The following HEATR3 variants were observed in gnomAD, a reference collection of about 807,000 sequenced individuals.
The protein encoded by HEATR3 is HEAT repeat-containing protein 3.
HEATR3 carries 56 observed loss-of-function variants against 72.8 expected under a neutral mutation model. The ratio of observed to expected loss-of-function variants is 0.77; its 90% CI spans 0.62 to 0.96. The LOEUF (loss-of-function observed/expected upper bound fraction) is 0.96, where lower values mean the gene tolerates loss of function less well. Ranked by LOEUF, HEATR3 falls within the 40% of genes least tolerant of loss-of-function variation. The probability of loss-of-function intolerance (pLI) is 0.00; values close to 1 mark genes in which losing one functional copy is unlikely to be tolerated. For synonymous variants in HEATR3, 331 were observed against 318.1 expected (o/e 1.04, Z -0.43); for missense variants, 747 against 831.4 (o/e 0.90, Z 1.25).
intron 13 of HEATR3, among the ~76,000 whole-genome samples, chr16:50,101,413 G>A (rs1294314655): frequency 6.6e-6 from 1 of 151,292 alleles, no homozygotes; most frequent in Non-Finnish European, 1.5e-5. Flanking sequence ...ACTGCACCCG[G>A]CAACAGTTAT....
At chr16:50,070,140 T>G (rs1280124842) in intron 3 of HEATR3, 38 bp from the exon 4 acceptor site, 10 of 1,040,892 alleles carry the variant, frequency 9.6e-6, no homozygotes, top group African/African-American at 3.2e-5. Context: ...TTAATTCTTC[T>G]TAGGAACCAG....
rs2037346488 is a variant in HEATR3, at chr16:50,100,706, T to A, written c.1743+333T>A. On this transcript the variant is annotated intron_variant, in intron 13 of 14. Transcript: ENST00000299192. ...GCTGTTGCATCCAATGTATGCATGT[T>A]ACATTCTCCTGCTGATGAATGAACA... 1.0e-5 allele frequency: 3 copies of A among 288,242 alleles called. No homozygotes were observed. In the Admixed American group the frequency reaches 1.7e-4, roughly 16 times the overall value. The allele number at this position is 288,242 out of a possible 1,614,324, so 17.9% of individuals were successfully genotyped here.
intron 6 of HEATR3, 103 bp from the exon 7 acceptor site, chr16:50,078,638 T>C: frequency 5.1e-6 from 6 of 1,177,430 alleles, no homozygotes; most frequent in Non-Finnish European, 4.7e-6. Context: ...GGCTGAGATT[T>C]TTTGAAATTA....
At position 50,105,155 on chromosome 16, in the gene HEATR3, T is replaced by C; in HGVS notation, c.*94T>C. ...TGAATGTATATGTTTCTGAAAGTCA[T>C]TTTTTAATGATTACATTCTGTACAT... On this transcript the variant is annotated 3_prime_UTR_variant, in exon 15 of 15. Transcript: ENST00000299192. 1 of 1,327,958 alleles carries C rather than the reference T, an allele frequency of 7.5e-7. No individual in the cohort carries two copies. Among genetic ancestry groups the C allele is most frequent in the East Asian group, 2.3e-5 (1 of 42,672 alleles). 82.3% of individuals were successfully genotyped at this position (1,327,958 alleles called of 1,614,324 possible). A position where few individuals can be genotyped will look rare whatever the true frequency, so the allele number is the denominator to read the frequency against.
intron 9 of HEATR3, 85 bp from the exon 10 acceptor site, chr16:50,084,484 A>T: frequency 1.7e-6 from 2 of 1,156,190 alleles, no homozygotes; most frequent in Non-Finnish European, 2.6e-6. Flanking sequence ...CATTTCACTT[A>T]GGAGTAATAT....
At chr16:50,100,889 C>G in intron 13 of HEATR3, 1 of 173,810 alleles carries the variant, frequency 5.8e-6, no homozygotes, top group Non-Finnish European at 1.2e-5. Flanking sequence ...CCACTTAGCA[C>G]AGTTGCTCAC....
At chr16:50,082,079 C>T (rs562206649) in intron 7 of HEATR3, among the ~76,000 whole-genome samples, 15 of 152,204 alleles carry the variant, frequency 9.9e-5, no homozygotes, top group African/African-American at 3.1e-4. Flanking sequence ...TGGTGGCTCA[C>T]GCCTGTAATC....
At chr16:50,102,120 A>G (rs1177915312) in intron 13 of HEATR3, 139 bp from the exon 14 acceptor site, 8 of 602,746 alleles carry the variant, frequency 1.3e-5, no homozygotes, top group Non-Finnish European at 2.0e-5. Context: ...ATAAGTATTT[A>G]AGTCTAATCT....
At chr16:50,067,589 T>C (rs959889630) in intron 2 of HEATR3, among the ~76,000 whole-genome samples, 1 of 136,232 alleles carries the variant, frequency 7.3e-6, no homozygotes, top group Non-Finnish European at 1.6e-5. Flanking sequence ...AGGGATGAGC[T>C]GTACGATGGT....
At chr16:50,083,480 AGT>A (rs1360502227) in intron 7 of HEATR3, among the ~76,000 whole-genome samples, 1 of 152,182 alleles carries the variant, frequency 6.6e-6, no homozygotes, top group Non-Finnish European at 1.5e-5. Context: ...GCTCGTTAGT[AGT>A]GTGTGTTAGC....
intron 10 of HEATR3, 121 bp downstream of exon 10, chr16:50,084,772 A>G (rs1435122487): frequency 3.0e-6 from 2 of 666,322 alleles, no homozygotes; most frequent in Non-Finnish European, 5.1e-6. Context: ...GGGTATATAT[A>G]CCAGAAAAAT....
chr16:50,094,930 A>G (rs2037199542), intron 12 of HEATR3, 137 bp downstream of exon 12: 1 of 491,666 alleles, frequency 2.0e-6, no homozygotes, highest in African/African-American at 2.0e-5. Context: ...AAATAAAACA[A>G]AAGTGATTAA....
At chr16:50,090,726 G>A (rs1597164275) in intron 11 of HEATR3, among the ~76,000 whole-genome samples, 5 of 152,240 alleles carry the variant, frequency 3.3e-5, no homozygotes, top group South Asian at 2.1e-4. Flanking sequence ...CATGAGTTCC[G>A]AAATCATTTA....
Position 50,102,251 on chromosome 16 carries a change from G to A in HEATR3, c.1744-8G>A, listed in dbSNP as rs2037383875. 6.2e-7 allele frequency: 1 copy of A among 1,607,422 alleles called. No individual in the cohort carries two copies. The highest frequency in any genetic ancestry group is 1.3e-5 in the African/African-American group (1 of 74,528). ...TTAGTCATACTAAATGTGTTTTGTT[G>A]TTTCCAGAACATTGGGTGCTTTCTG... On this transcript the variant is annotated splice_polypyrimidine_tract_variant and splice_region_variant and intron_variant, in intron 13 of 14. Transcript: ENST00000299192.
chr16:50,077,592 C>G (rs749499186), intron 6 of HEATR3, among the ~76,000 whole-genome samples: 4 of 152,188 alleles, frequency 2.6e-5, no homozygotes, highest in African/African-American at 9.7e-5. Context: ...TTCCCCTTCC[C>G]CCAGCTGCTG....
intron 6 of HEATR3, 67 bp from the exon 7 acceptor site, chr16:50,078,674 G>T (rs1486253840): frequency 3.3e-6 from 5 of 1,493,180 alleles, no homozygotes; most frequent in Non-Finnish European, 4.5e-6. Flanking sequence ...CTCCAGTCTT[G>T]TGAAAACTTA....
chr16:50,100,013 A>G (rs749522953), intron 12 of HEATR3, among the ~76,000 whole-genome samples: 3 of 152,180 alleles, frequency 2.0e-5, no homozygotes, highest in Non-Finnish European at 4.4e-5. Context: ...ATATTAGATA[A>G]CAGTGCCGAC....
At chr16:50,104,901 T>C (rs763043030) in intron 14 of HEATR3, 38 bp from the exon 15 acceptor site, 6 of 1,528,534 alleles carry the variant, frequency 3.9e-6, no homozygotes, top group Non-Finnish European at 5.3e-6. Context: ...TAATCATATC[T>C]ACCAAGTCAT....
chr16:50,099,718 G>A (rs960853664), intron 12 of HEATR3, among the ~76,000 whole-genome samples: 1 of 152,166 alleles, frequency 6.6e-6, no homozygotes, highest in Non-Finnish European at 1.5e-5. Flanking sequence ...AGCTGAGATT[G>A]CAGGCGTGAG....
Sources: gnomAD v4.1 joint callset for allele counts (sites outside exome capture counted in the v4.1 genomes callset) on GRCh38, gnomAD v4.1.1 for gene constraint, MANE v1.5 for transcripts, NCBI Gene and HGNC (gene_info 2026-07-23, HGNC 2026-07-21) for gene names.